The following PGM2L1 variants were observed in gnomAD, a reference collection of about 807,000 sequenced individuals.
PGM2L1 encodes the protein phosphoglucomutase 2 like 1, also known as glucose 1,6-bisphosphate synthase.
In PGM2L1, 35 loss-of-function variants were observed where a neutral mutation model predicts 73.4. That is an observed-to-expected ratio of 0.48 (90% confidence interval 0.36 to 0.63). The LOEUF is 0.63. Ranked by LOEUF, PGM2L1 falls within the 30% of genes least tolerant of loss-of-function variation. PGM2L1 has a pLI of 0.00. For missense variants in PGM2L1, 570 were observed against 742.0 expected (o/e 0.77, Z 2.69); for synonymous variants, 225 against 253.8 (o/e 0.89, Z 1.08).
intron 1 of PGM2L1, among the ~76,000 whole-genome samples, chr11:74,394,950 C>CTA (rs10656150): frequency 0.94 from 143,233 of 152,072 alleles, 67,884 homozygotes; most frequent in Non-Finnish European, 0.98. Flanking sequence ...ATCAGTTTCT[C>CTA]TGTTAAAAGA....
chr11:74,398,226 TG>T lies in PGM2L1; in HGVS notation c.-66del. ...CACTGAGTTGGGGTGGGGGGTGGCT[TG>T]GGGTTCGCTCACCAGGGTCCAGGCG... On this transcript the variant is annotated 5_prime_UTR_variant, in exon 1 of 14. Transcript: ENST00000298198. 6.5e-7 allele frequency: 1 copy of T among 1,539,102 alleles called. No individual in the cohort carries two copies.
Position 74,342,554 on chromosome 11 carries a change from T to C in PGM2L1, c.1539A>G (p.Pro513=), listed in dbSNP as rs1270155712. The C allele has an allele frequency of 1.2e-6, 2 of 1,609,422 alleles. No homozygotes were observed. The highest frequency in any genetic ancestry group is 2.2e-5 in the South Asian group (2 of 90,316). Residue 513 remains proline (P), a synonymous_variant, in exon 12 of 14, where the codon CCA becomes CCG. Coordinates refer to ENST00000298198, the MANE Select transcript of PGM2L1 (RefSeq NM_173582.6). ...IFERLRNFDS[P]KEYPKFCGTF... ...TTCCACAAAATTTTGGATATTCTTT[T>C]GGAGAATCAAAATTACGAAGCCTTT...
intron 3 of PGM2L1, among the ~76,000 whole-genome samples, chr11:74,371,256 A>T (rs190616794): frequency 2.0e-5 from 3 of 152,190 alleles, no homozygotes; most frequent in Non-Finnish European, 4.4e-5. Context: ...TCTTTTACTA[A>T]GAAATAAAAT....
In PGM2L1 at chr11:74,389,999, G is replaced by A. The variant is rs1326566202; in HGVS notation, c.111+8052C>T. On this transcript the variant is annotated intron_variant, in intron 1 of 13. Transcript: ENST00000298198. The stretch of plus-strand genomic sequence containing the variant: ...CCAGGCGTGGTGACGGGCGCCTGTA[G>A]TCCCAGCTACTCGGGAGGCTGAGGC... Among the ~76,000 whole-genome samples, 7 of 138,302 alleles carry A rather than the reference G, an allele frequency of 5.1e-5. No homozygotes were observed. The East Asian group carries it at 1.2e-3, about 25-fold the overall frequency. The allele number at this position is 138,302 out of a possible 152,430, so 90.7% of individuals were successfully genotyped here.
Position 74,335,535 on chromosome 11 carries a change from T to C in PGM2L1, c.*1117A>G, listed in dbSNP as rs1403581044. ...ATGTTAGAATAAACTGGACCTCTGT[T>C]TTAAAACATGTAGTTTTAGTATTTC... On this transcript the variant is annotated 3_prime_UTR_variant, in exon 14 of 14. Transcript: ENST00000298198. The C allele has an allele frequency of 1.3e-5, 2 of 152,258 alleles. No homozygotes were observed. 9.4% of individuals were successfully genotyped at this position (152,258 alleles called of 1,614,324 possible).
Position 74,333,567 on chromosome 11 carries a change from C to T in PGM2L1, c.*3085G>A, listed in dbSNP as rs1225624089. On this transcript the variant is annotated 3_prime_UTR_variant, in exon 14 of 14. Transcript: ENST00000298198. ...ACAACATCCTAGCAGGAACTGAATC[C>T]GTAAAAGGGATACTTTTTCTCACCT... 5.3e-5 allele frequency: 8 copies of T among 152,088 alleles called. No individual in the cohort carries two copies. The East Asian group carries it at 9.6e-4, about 18-fold the overall frequency. 9.4% of individuals were successfully genotyped at this position (152,088 alleles called of 1,614,324 possible). A position where few individuals can be genotyped will look rare whatever the true frequency, so the allele number is the denominator to read the frequency against.
chr11:74,355,669 G>C (rs949197946), intron 5 of PGM2L1: 1 of 503,014 alleles, frequency 2.0e-6, no homozygotes, highest in Non-Finnish European at 3.9e-6. Context: ...ATGAAACCAA[G>C]GTGGCTATGG....
In PGM2L1 at chr11:74,333,206, T is replaced by A. The variant is rs549805527; in HGVS notation, c.*3446A>T. The A allele has an allele frequency of 4.4e-4, 67 of 152,284 alleles. No homozygotes were observed. The highest frequency in any genetic ancestry group is 4.3e-4 in the Non-Finnish European group (29 of 68,020). 9.4% of individuals were successfully genotyped at this position (152,284 alleles called of 1,614,324 possible). A position where few individuals can be genotyped will look rare whatever the true frequency, so the allele number is the denominator to read the frequency against. On this transcript the variant is annotated 3_prime_UTR_variant, in exon 14 of 14. Transcript: ENST00000298198. ...ATTCCCTTAAAAATAAAAAAAAGAT[T>A]TTGAATAGAAGATATTATGAAGATT...
intron 12 of PGM2L1, among the ~76,000 whole-genome samples, chr11:74,341,550 G>A (rs1862182129): frequency 6.6e-6 from 1 of 152,148 alleles, no homozygotes; most frequent in Non-Finnish European, 1.5e-5. Flanking sequence ...AAATTAGTCA[G>A]GCGTGGTGAC....
chr11:74,389,436 G>C (rs553215304), intron 1 of PGM2L1, among the ~76,000 whole-genome samples: 2 of 152,000 alleles, frequency 1.3e-5, no homozygotes, highest in South Asian at 4.2e-4. Context: ...GAAGAGACAG[G>C]AAAAATACTT....
Position 74,334,889 on chromosome 11 carries a change from CTT to C in PGM2L1, c.*1761_*1762del, listed in dbSNP as rs1381669272. ...TTTAAGAAGATTAAACACAGCATTTCTTTTTCTCTCTCTCTCTCTTTTTTTTT... is the reference window on the plus strand; with the variant it reads ...TTTAAGAAGATTAAACACAGCATTTCTTTCTCTCTCTCTCTCTTTTTTTTT... On this transcript the variant is annotated 3_prime_UTR_variant, in exon 14 of 14. Transcript: ENST00000298198. 2.0e-5 allele frequency: 3 copies of C among 146,970 alleles called. No homozygotes were observed. The highest frequency in any genetic ancestry group is 4.5e-5 in the Non-Finnish European group (3 of 67,164). 9.1% of individuals were successfully genotyped at this position (146,970 alleles called of 1,614,324 possible). A position where few individuals can be genotyped will look rare whatever the true frequency, so the allele number is the denominator to read the frequency against.
In PGM2L1 at chr11:74,371,653, T is replaced by A. The variant is rs1401960351; in HGVS notation, c.386+58A>T. 4.1e-6 allele frequency: 6 copies of A among 1,456,434 alleles called. No individual in the cohort carries two copies. The East Asian group carries it at 6.8e-5, about 17-fold the overall frequency. 90.2% of individuals were successfully genotyped at this position (1,456,434 alleles called of 1,614,324 possible). Reference sequence around the variant, plus strand: ...GAAATCCTACTACTAGACAAAAAAATGTTTTAAATATGTTTTATTCTATTT... The same window carrying A: ...GAAATCCTACTACTAGACAAAAAAAAGTTTTAAATATGTTTTATTCTATTT... On this transcript the variant is annotated intron_variant, in intron 3 of 13. Coordinates refer to ENST00000298198, the MANE Select transcript of PGM2L1 (RefSeq NM_173582.6).
At chr11:74,343,516 C>G (rs1862215780) in intron 9 of PGM2L1, 100 bp from the exon 10 acceptor site, 1 of 1,500,474 alleles carries the variant, frequency 6.7e-7, no homozygotes, top group African/African-American at 1.4e-5. Flanking sequence ...ATATAATGAT[C>G]CTTACTATAG....
chr11:74,354,810 T>G (rs1862417657), intron 5 of PGM2L1: 21 of 974,948 alleles, frequency 2.2e-5, no homozygotes, highest in African/African-American at 9.5e-5. Flanking sequence ...ACCTAAGAGA[T>G]TATTTTGAAC....
chr11:74,396,072 T>C (rs1452064544), intron 1 of PGM2L1, among the ~76,000 whole-genome samples: 1 of 151,400 alleles, frequency 6.6e-6, no homozygotes, highest in Non-Finnish European at 1.5e-5. Context: ...GGCAACATAG[T>C]GAGACCCCAT....
At chr11:74,383,824 A>AAT (rs377358856) in intron 1 of PGM2L1, among the ~76,000 whole-genome samples, 27,391 of 121,844 alleles carry the variant, frequency 0.22, 3,326 homozygotes, top group East Asian at 0.31. Context: ...TATATAAATA[A>AAT]ATATATATAT....
chr11:74,362,182 A>G (rs1185233548), intron 5 of PGM2L1, among the ~76,000 whole-genome samples: 1 of 152,242 alleles, frequency 6.6e-6, no homozygotes, highest in Non-Finnish European at 1.5e-5. Flanking sequence ...GAAACCCATC[A>G]GACTAACAGC....
At chr11:74,395,793 C>T (rs2509994) in intron 1 of PGM2L1, among the ~76,000 whole-genome samples, 143,069 of 151,918 alleles carry the variant, frequency 0.94, 67,797 homozygotes, top group Non-Finnish European at 0.98. Context: ...TTTTGAACTG[C>T]AAGAACTGAC....
chr11:74,343,436 A>C lies in PGM2L1; in HGVS notation c.1219-20T>G. The C allele has an allele frequency of 3.7e-6, 6 of 1,602,244 alleles. No individual in the cohort carries two copies. Among genetic ancestry groups the C allele is most frequent in the Non-Finnish European group, 5.1e-6 (6 of 1,177,084 alleles). ...TGTTTCCTGAAATGCAGAGGAGGCC[A>C]CTCTAGTTAAGTGACTGTCTCACAA... On this transcript the variant is annotated intron_variant, in intron 9 of 13. Coordinates refer to ENST00000298198, the MANE Select transcript of PGM2L1 (RefSeq NM_173582.6).
Sources: gnomAD v4.1 joint callset for allele counts (sites outside exome capture counted in the v4.1 genomes callset) on GRCh38, gnomAD v4.1.1 for gene constraint, MANE v1.5 for transcripts, NCBI Gene and HGNC (gene_info 2026-07-23, HGNC 2026-07-21) for gene names.